The following PACRG variants were observed in gnomAD, a reference collection of about 807,000 sequenced individuals.
PACRG encodes the protein parkin coregulated, also known as parkin coregulated gene protein.
A neutral mutation model predicts 29.7 loss-of-function variants in PACRG; 29 were observed. The observed-to-expected ratio is 0.98, with a 90% CI of 0.73 to 1.33. The LOEUF (loss-of-function observed/expected upper bound fraction) is 1.33. Ranked by LOEUF, PACRG falls within the 40% of genes most tolerant of loss-of-function variation. PACRG has a pLI of 0.00. For missense variants in PACRG, 279 were observed against 316.2 expected (o/e 0.88, Z 0.89); for synonymous variants, 116 against 118.7 (o/e 0.98, Z 0.15).
intron 4 of PACRG, among the ~76,000 whole-genome samples, chr6:163,144,738 C>T (rs941048280): frequency 3.3e-5 from 5 of 152,178 alleles, no homozygotes; most frequent in African/African-American, 1.2e-4. Flanking sequence ...CACTGCACTC[C>T]AGCCTGGGCG....
At chr6:163,294,523 C>A (rs1295679626) in intron 4 of PACRG, among the ~76,000 whole-genome samples, 2 of 151,924 alleles carry the variant, frequency 1.3e-5, no homozygotes, top group Non-Finnish European at 2.9e-5. Context: ...AAAAGAGAAC[C>A]GTTGGACAAA....
At chr6:163,017,830 T>G (rs2128218042) in intron 2 of PACRG, among the ~76,000 whole-genome samples, 1 of 152,308 alleles carries the variant, frequency 6.6e-6, no homozygotes, top group East Asian at 1.9e-4. Context: ...ACCTAATAAA[T>G]ATTTTATTAG....
At chr6:163,173,680 C>T (rs146658759) in intron 4 of PACRG, among the ~76,000 whole-genome samples, 373 of 152,348 alleles carry the variant, frequency 2.4e-3, no homozygotes, top group African/African-American at 8.4e-3. Flanking sequence ...GAAGTTGCTG[C>T]TTCCTTTTCC....
chr6:163,210,510 C>T (rs575154337), intron 4 of PACRG, among the ~76,000 whole-genome samples: 4 of 152,146 alleles, frequency 2.6e-5, no homozygotes, highest in Admixed American at 1.3e-4. Flanking sequence ...AGCTTCCAAG[C>T]GGATGCACCC....
chr6:163,154,961 A>C (rs977361178), intron 4 of PACRG, among the ~76,000 whole-genome samples: 4 of 148,932 alleles, frequency 2.7e-5, no homozygotes, highest in African/African-American at 9.9e-5. Context: ...CTTTTTAAAA[A>C]TTAAATGTGG....
At chr6:162,729,574 G>A (rs1779586886) in intron 1 of PACRG, among the ~76,000 whole-genome samples, 1 of 152,016 alleles carries the variant, frequency 6.6e-6, no homozygotes, top group Non-Finnish European at 1.5e-5. Context: ...TCTTTTTCAT[G>A]GAATTTCACA....
chr6:162,748,841 AT>A (rs1331532339), intron 1 of PACRG, among the ~76,000 whole-genome samples: 6 of 152,190 alleles, frequency 3.9e-5, no homozygotes, highest in African/African-American at 1.4e-4. Flanking sequence ...TAATTGAAGT[AT>A]CAACAATAAA....
At chr6:162,818,156 C>G (rs560815096) in intron 2 of PACRG, among the ~76,000 whole-genome samples, 3 of 152,100 alleles carry the variant, frequency 2.0e-5, no homozygotes, top group Non-Finnish European at 2.9e-5. Flanking sequence ...TTTTCCTTGA[C>G]CCCTCTAACA....
At chr6:163,022,128 G>T (rs1028459622) in intron 2 of PACRG, among the ~76,000 whole-genome samples, 1 of 152,168 alleles carries the variant, frequency 6.6e-6, no homozygotes, top group African/African-American at 2.4e-5. Context: ...AGTGCACTCA[G>T]ACCATCTGAA....
intron 2 of PACRG, among the ~76,000 whole-genome samples, chr6:163,020,569 C>T (rs930270568): frequency 3.9e-5 from 6 of 152,150 alleles, no homozygotes; most frequent in Admixed American, 2.6e-4. Flanking sequence ...TTCCACAGAG[C>T]GGCTGCCTGA....
chr6:162,764,685 A>G (rs1045846096), intron 1 of PACRG, among the ~76,000 whole-genome samples: 6 of 151,886 alleles, frequency 4.0e-5, no homozygotes, highest in Non-Finnish European at 8.8e-5. Context: ...AGAATTTTAT[A>G]TTTAAATATA....
At chr6:163,069,433 C>T (rs1811845483) in intron 3 of PACRG, among the ~76,000 whole-genome samples, 1 of 151,988 alleles carries the variant, frequency 6.6e-6, no homozygotes, top group Admixed American at 6.6e-5. Flanking sequence ...ATTTAGGATT[C>T]TGTTAGATAA....
chr6:163,143,919 T>C (rs769632081), intron 4 of PACRG, among the ~76,000 whole-genome samples: 2 of 152,184 alleles, frequency 1.3e-5, no homozygotes, highest in Non-Finnish European at 2.9e-5. Flanking sequence ...ATATTTTTCA[T>C]AATTGCGTAA....
chr6:163,185,098 A>T (rs1779856358), intron 4 of PACRG, among the ~76,000 whole-genome samples: 2 of 152,264 alleles, frequency 1.3e-5, no homozygotes. Context: ...CATATAGGGC[A>T]GAAGCAAATA....
chr6:162,938,945 T>C (rs904660142), intron 2 of PACRG, among the ~76,000 whole-genome samples: 6 of 152,200 alleles, frequency 3.9e-5, no homozygotes, highest in Non-Finnish European at 8.8e-5. Flanking sequence ...TCTCCCACTC[T>C]GTGGGTTGTC....
intron 4 of PACRG, among the ~76,000 whole-genome samples, chr6:163,307,607 A>G (rs774688534): frequency 6.6e-6 from 1 of 152,238 alleles, no homozygotes; most frequent in South Asian, 2.1e-4. Flanking sequence ...CCAAGAGAAC[A>G]TGAAGTCAGC....
chr6:163,054,401 A>T (rs2128251550), intron 2 of PACRG, among the ~76,000 whole-genome samples: 1 of 152,292 alleles, frequency 6.6e-6, no homozygotes, highest in Middle Eastern at 3.4e-3. Context: ...GAATATGCTG[A>T]CACCCTGATC....
intron 4 of PACRG, among the ~76,000 whole-genome samples, chr6:163,119,168 C>T (rs1158088887): frequency 2.6e-5 from 4 of 152,186 alleles, no homozygotes; most frequent in East Asian, 3.9e-4. Flanking sequence ...CATTTAACTG[C>T]GAGGGCCACA....
intron 4 of PACRG, among the ~76,000 whole-genome samples, chr6:163,204,266 A>G (rs1780814370): frequency 6.6e-6 from 1 of 152,226 alleles, no homozygotes; most frequent in Non-Finnish European, 1.5e-5. Context: ...AGAAGTATTT[A>G]TATATTTTAA....
Sources: allele counts gnomAD v4.1 joint callset (sites outside exome capture counted in the v4.1 genomes callset), GRCh38; gene constraint gnomAD v4.1.1; transcripts MANE v1.5; gene names NCBI Gene and HGNC (gene_info 2026-07-23, HGNC 2026-07-21).